Variants in THSD7A observed in about 807,000 individuals in gnomAD.
THSD7A encodes thrombospondin type-1 domain-containing protein 7A.
A neutral mutation model predicts 231.3 loss-of-function variants in THSD7A; 96 were observed. That is an observed-to-expected ratio of 0.41 (90% CI 0.35 to 0.49). The LOEUF is 0.49. Ranked by LOEUF, THSD7A falls within the 20% of genes least tolerant of loss-of-function variation. THSD7A has a pLI of 0.05. For missense variants in THSD7A, 2,290 were observed against 2,070.2 expected, an observed-to-expected ratio of 1.11 and a Z score of -2.06; for synonymous variants, 940 against 743.3, an observed-to-expected ratio of 1.26 and a Z score of -4.30.
At chr7:11,407,142 A>G (rs10260759) in intron 20 of THSD7A, 87 bp from the exon 21 acceptor site, 29,189 of 1,533,792 alleles carry the variant, frequency 0.019, 1,151 homozygotes, top group Admixed American at 0.15. Flanking sequence ...TCACAGTGAT[A>G]TCTCCTGAGG....
At chr7:11,397,823 A>C (rs984736457) in intron 23 of THSD7A, among the ~76,000 whole-genome samples, 2 of 152,248 alleles carry the variant, frequency 1.3e-5, no homozygotes, top group Non-Finnish European at 2.9e-5. Context: ...TGGTCATTAG[A>C]GAAATGCAAA....
chr7:11,715,468 CAA>C (rs369972101), intron 1 of THSD7A, among the ~76,000 whole-genome samples: 17 of 151,608 alleles, frequency 1.1e-4, no homozygotes, highest in African/African-American at 3.6e-4. Context: ...TAACTGCTAA[CAA>C]GTGTTTAAAC....
chr7:11,461,113 G>T (rs1785490351), intron 10 of THSD7A, among the ~76,000 whole-genome samples: 1 of 152,110 alleles, frequency 6.6e-6, no homozygotes, highest in South Asian at 2.1e-4. Context: ...TTTTATTCAA[G>T]TTATGAAACT....
In THSD7A at chr7:11,587,660, G is replaced by A. The variant is rs537270413; in HGVS notation, c.1453+2800C>T. 7.2e-5 allele frequency among the ~76,000 whole-genome samples: 11 copies of A among 152,226 alleles called. No individual in the cohort carries two copies. In the East Asian group the frequency reaches 2.1e-3, roughly 29 times the overall value. On this transcript the variant is annotated intron_variant, in intron 4 of 27. Transcript: ENST00000423059. ...CATTTTATTATTTTGGAAATTAAAT[G>A]TATTAACTCCGAGGATAAGAATTTT...
chr7:11,449,238 AG>A (rs1785069832), intron 11 of THSD7A, among the ~76,000 whole-genome samples: 1 of 152,070 alleles, frequency 6.6e-6, no homozygotes, highest in South Asian at 2.1e-4. Flanking sequence ...CTACTGCTCT[AG>A]TAGGTAATAT....
chr7:11,475,813 T>A (rs1786146426), intron 7 of THSD7A, among the ~76,000 whole-genome samples: 1 of 150,868 alleles, frequency 6.6e-6, no homozygotes, highest in African/African-American at 2.4e-5. Flanking sequence ...GAGAAAAAAA[T>A]GACATAATTT....
chr7:11,484,023 T>A (rs1562647363), intron 6 of THSD7A, among the ~76,000 whole-genome samples: 1 of 151,378 alleles, frequency 6.6e-6, no homozygotes, highest in African/African-American at 2.4e-5. Context: ...CTGCCCCCCA[T>A]CCGCCCAGTT....
intron 1 of THSD7A, among the ~76,000 whole-genome samples, chr7:11,657,897 A>G (rs890157836): frequency 2.0e-5 from 3 of 151,804 alleles, no homozygotes; most frequent in African/African-American, 7.2e-5. Context: ...AAGATTCTGA[A>G]TTAAAAATAA....
chr7:11,768,504 C>A (rs1783100279), intron 1 of THSD7A, among the ~76,000 whole-genome samples: 1 of 152,142 alleles, frequency 6.6e-6, no homozygotes. Context: ...AGCCTCTTTA[C>A]AGGTTTTTCA....
At chr7:11,788,661 A>C (rs1409852616) in intron 1 of THSD7A, among the ~76,000 whole-genome samples, 1 of 152,076 alleles carries the variant, frequency 6.6e-6, no homozygotes, top group Non-Finnish European at 1.5e-5. Context: ...GGAGTGTAGC[A>C]TAGAGTTGTG....
intron 6 of THSD7A, among the ~76,000 whole-genome samples, chr7:11,536,486 ATCT>A (rs747321612): frequency 6.6e-6 from 1 of 152,096 alleles, no homozygotes; most frequent in Non-Finnish European, 1.5e-5. Context: ...TCTGGGACTC[ATCT>A]TCTTTTCTCT....
chr7:11,544,662 C>T (rs772479830), intron 4 of THSD7A, among the ~76,000 whole-genome samples: 6 of 152,176 alleles, frequency 3.9e-5, no homozygotes, highest in Admixed American at 6.5e-5. Context: ...TTCACACACA[C>T]GAGCACACAG....
chr7:11,414,794 AAC>A (rs1167479965), intron 17 of THSD7A, among the ~76,000 whole-genome samples: 1 of 152,216 alleles, frequency 6.6e-6, no homozygotes, highest in African/African-American at 2.4e-5. Context: ...ACACTGGAAT[AAC>A]ACTATCTGTT....
chr7:11,485,368 T>G (rs1786610875), intron 6 of THSD7A, among the ~76,000 whole-genome samples: 1 of 152,200 alleles, frequency 6.6e-6, no homozygotes, highest in African/African-American at 2.4e-5. Flanking sequence ...CATTTGCTTC[T>G]CTGTGGAGAT....
intron 1 of THSD7A, among the ~76,000 whole-genome samples, chr7:11,712,237 C>G (rs112057081): frequency 6.6e-6 from 1 of 151,140 alleles, no homozygotes; most frequent in South Asian, 2.1e-4. Context: ...CTATACCCTA[C>G]TTTTCTGGGT....
intron 1 of THSD7A, among the ~76,000 whole-genome samples, chr7:11,657,923 G>A (rs1782769691): frequency 6.6e-6 from 1 of 151,710 alleles, no homozygotes; most frequent in South Asian, 2.1e-4. Context: ...TTACATTCCT[G>A]TGTGAGTTAT....
At chr7:11,512,846 G>A (rs1208861188) in intron 6 of THSD7A, among the ~76,000 whole-genome samples, 3 of 149,668 alleles carry the variant, frequency 2.0e-5, no homozygotes, top group Non-Finnish European at 4.4e-5. Context: ...GTTAAGGGGT[G>A]CAACATACCA....
chr7:11,659,208 G>T (rs1000539130), intron 1 of THSD7A, among the ~76,000 whole-genome samples: 3 of 151,572 alleles, frequency 2.0e-5, no homozygotes, highest in Non-Finnish European at 4.4e-5. Context: ...GTGCTAAAAG[G>T]CACTGGAGCA....
chr7:11,436,561 C>CTT (rs1366099205), intron 13 of THSD7A, among the ~76,000 whole-genome samples: 1 of 151,918 alleles, frequency 6.6e-6, no homozygotes, highest in Non-Finnish European at 1.5e-5. Flanking sequence ...TACTGACTGA[C>CTT]TTTTTCACAT....
Sources: gnomAD v4.1 joint callset for allele counts (sites outside exome capture counted in the v4.1 genomes callset) on GRCh38, gnomAD v4.1.1 for gene constraint, MANE v1.5 for transcripts, NCBI Gene and HGNC (gene_info 2026-07-23, HGNC 2026-07-21) for gene names.